Variants in PKNOX2 observed in about 807,000 individuals in gnomAD.
PKNOX2 encodes homeobox protein PKNOX2.
PKNOX2 carries 14 observed loss-of-function variants against 53.1 expected under a neutral mutation model. The observed-to-expected ratio is 0.26, with a 90% CI of 0.17 to 0.41. PKNOX2 has a LOEUF of 0.41. PKNOX2 is among the 10% of genes least tolerant of loss of function. The pLI, the probability that PKNOX2 is intolerant of heterozygous loss-of-function variation, is 1.00. For missense variants in PKNOX2, 496 were observed against 602.8 expected, an observed-to-expected ratio of 0.82 and a Z score of 1.85; for synonymous variants, 257 against 242.8, an observed-to-expected ratio of 1.06 and a Z score of -0.54.
intron 2 of PKNOX2, among the ~76,000 whole-genome samples, chr11:125,280,418 T>C (rs550282245): frequency 2.6e-5 from 4 of 152,190 alleles, no homozygotes; most frequent in Non-Finnish European, 4.4e-5. Context: ...CCTGGTCATC[T>C]GCCCAGGGGC....
intron 4 of PKNOX2, 30 bp from the exon 5 acceptor site, chr11:125,367,816 C>A: frequency 1.2e-6 from 2 of 1,601,734 alleles, no homozygotes; most frequent in African/African-American, 1.3e-5. Flanking sequence ...GCCATGCTAA[C>A]CCACCACCTC....
intron 10 of PKNOX2, among the ~76,000 whole-genome samples, chr11:125,417,753 A>G (rs1257618572): frequency 6.6e-6 from 1 of 151,930 alleles, no homozygotes; most frequent in African/African-American, 2.4e-5. Flanking sequence ...GAGATTTTAC[A>G]TGTCCAGTCC....
intron 2 of PKNOX2, among the ~76,000 whole-genome samples, chr11:125,255,676 G>A (rs79719582): frequency 0.048 from 7,267 of 151,922 alleles, 599 homozygotes; most frequent in African/African-American, 0.17. Flanking sequence ...AGTCACATGC[G>A]GGGTGACGTA....
intron 5 of PKNOX2, among the ~76,000 whole-genome samples, chr11:125,384,672 G>A (rs1953499075): frequency 6.6e-6 from 1 of 152,010 alleles, no homozygotes; most frequent in African/African-American, 2.4e-5. Flanking sequence ...GTGACAGAGC[G>A]AGACTCCGTC....
At chr11:125,418,197 T>G (rs78526488) in intron 10 of PKNOX2, among the ~76,000 whole-genome samples, 5,169 of 152,142 alleles carry the variant, frequency 0.034, 133 homozygotes, top group Non-Finnish European at 0.053. Context: ...TCTATGGGTT[T>G]GCCTATTCTG....
chr11:125,346,261 C>A (rs921996687), intron 3 of PKNOX2, among the ~76,000 whole-genome samples: 2 of 152,038 alleles, frequency 1.3e-5, no homozygotes, highest in African/African-American at 4.8e-5. Context: ...ACCTCAGGGG[C>A]CTCCTTCCCA....
chr11:125,415,457 C>T (rs1955822570), intron 10 of PKNOX2, among the ~76,000 whole-genome samples: 2 of 152,126 alleles, frequency 1.3e-5, no homozygotes, highest in Non-Finnish European at 2.9e-5. Context: ...TACCATGTTG[C>T]CCAGTCTGGT....
At chr11:125,297,874 C>T (rs1019204419) in intron 2 of PKNOX2, among the ~76,000 whole-genome samples, 2 of 152,194 alleles carry the variant, frequency 1.3e-5, no homozygotes, top group African/African-American at 4.8e-5. Flanking sequence ...ATCACCCTTC[C>T]CATAGATTAG....
chr11:125,365,404 T>A (rs1952137814), intron 4 of PKNOX2, among the ~76,000 whole-genome samples: 1 of 152,176 alleles, frequency 6.6e-6, no homozygotes, highest in African/African-American at 2.4e-5. Context: ...TTGAGCCAGC[T>A]GTCAACTAAA....
intron 1 of PKNOX2, among the ~76,000 whole-genome samples, chr11:125,200,042 C>A (rs1377814304): frequency 2.0e-5 from 3 of 152,162 alleles, no homozygotes; most frequent in Non-Finnish European, 4.4e-5. Context: ...TCCACTTTCC[C>A]ATCTATAGAC....
At chr11:125,200,807 A>G (rs888061152) in intron 1 of PKNOX2, among the ~76,000 whole-genome samples, 14 of 152,194 alleles carry the variant, frequency 9.2e-5, no homozygotes, top group Admixed American at 5.9e-4. Flanking sequence ...AGTGCCCTTG[A>G]TGAGGAACGG....
intron 1 of PKNOX2, among the ~76,000 whole-genome samples, chr11:125,197,389 C>G (rs1279285996): frequency 2.0e-5 from 3 of 152,164 alleles, no homozygotes; most frequent in African/African-American, 7.2e-5. Flanking sequence ...CTCAGCCTCC[C>G]CACGAGGTCT....
intron 7 of PKNOX2, among the ~76,000 whole-genome samples, chr11:125,405,276 A>G (rs1201370169): frequency 6.6e-6 from 1 of 152,204 alleles, no homozygotes; most frequent in African/African-American, 2.4e-5. Flanking sequence ...AAACAGCTTA[A>G]ACAGAAACTT....
At chr11:125,188,740 A>G (rs1956604192) in intron 1 of PKNOX2, among the ~76,000 whole-genome samples, 1 of 152,294 alleles carries the variant, frequency 6.6e-6, no homozygotes, top group South Asian at 2.1e-4. Flanking sequence ...TGGATAATTC[A>G]TAGCCAATGG....
At chr11:125,170,675 A>C (rs1300094332) in intron 1 of PKNOX2, among the ~76,000 whole-genome samples, 1 of 152,262 alleles carries the variant, frequency 6.6e-6, no homozygotes, top group East Asian at 1.9e-4. Flanking sequence ...GTTTCTGCTA[A>C]GACCTATCTC....
At chr11:125,349,715 A>G (rs1241687319) in intron 3 of PKNOX2, among the ~76,000 whole-genome samples, 3 of 152,120 alleles carry the variant, frequency 2.0e-5, no homozygotes, top group East Asian at 1.9e-4. Flanking sequence ...GTAGACATCT[A>G]TTGAGTGAAA....
intron 10 of PKNOX2, 33 bp from the exon 11 acceptor site, chr11:125,428,979 C>T (rs751452906): frequency 6.3e-7 from 1 of 1,582,600 alleles, no homozygotes; most frequent in East Asian, 2.2e-5. Flanking sequence ...CAGCATATGC[C>T]CAGCCCTCAC....
At chr11:125,367,012 T>C (rs1952223941) in intron 4 of PKNOX2, among the ~76,000 whole-genome samples, 1 of 152,198 alleles carries the variant, frequency 6.6e-6, no homozygotes. Context: ...GACAGGGTGA[T>C]GTAAGAGAAC....
At chr11:125,410,513 C>A in intron 8 of PKNOX2, 188 bp downstream of exon 8, 1 of 869,272 alleles carries the variant, frequency 1.2e-6, no homozygotes. Context: ...TGGTTTAGAA[C>A]AAATTTGGGT....
Sources: gnomAD v4.1 joint callset for allele counts (sites outside exome capture counted in the v4.1 genomes callset) on GRCh38, gnomAD v4.1.1 for gene constraint, MANE v1.5 for transcripts, NCBI Gene and HGNC (gene_info 2026-07-23, HGNC 2026-07-21) for gene names.